Variants in TBC1D12 observed in about 807,000 individuals in gnomAD.
TBC1D12 encodes TBC1 domain family, member 12.
A neutral mutation model predicts 86.7 loss-of-function variants in TBC1D12; 56 were observed. The ratio of observed to expected loss-of-function variants is 0.65; its 90% CI spans 0.52 to 0.81. The LOEUF is 0.81. TBC1D12 is among the 30% of genes least tolerant of loss of function. TBC1D12 has a pLI of 0.00. For synonymous variants in TBC1D12, 421 were observed against 411.7 expected (o/e 1.02, Z -0.27); for missense variants, 1,023 against 1,038.8 (o/e 0.98, Z 0.21).
intron 2 of TBC1D12, among the ~76,000 whole-genome samples, chr10:94,468,918 G>A (rs905455374): frequency 6.6e-6 from 1 of 152,260 alleles, no homozygotes; most frequent in East Asian, 1.9e-4. Context: ...CAGTGCTACA[G>A]TTGTTAATAT....
chr10:94,414,554 A>G (rs1334164185), intron 1 of TBC1D12, among the ~76,000 whole-genome samples: 1 of 151,182 alleles, frequency 6.6e-6, no homozygotes, highest in East Asian at 1.9e-4. Context: ...TAACTTCCCT[A>G]ACGTCCCTGT....
rs571735942 is a variant in TBC1D12, at chr10:94,403,706, C to T, written c.971+122C>T. 7.8e-5 allele frequency: 95 copies of T among 1,219,526 alleles called. No individual in the cohort carries two copies. The East Asian group carries it at 2.9e-3, about 37-fold the overall frequency. The allele number at this position is 1,219,526 out of a possible 1,614,324, so 75.5% of individuals were successfully genotyped here. A position where few individuals can be genotyped will look rare whatever the true frequency, so the allele number is the denominator to read the frequency against. ...GAGAGCTTGGTCGGCCGCTTCCGTG[C>T]CAGCCCCACACGCGTCAGGACTTAG... On this transcript the variant is annotated intron_variant, in intron 1 of 12. Transcript: ENST00000225235.
intron 1 of TBC1D12, among the ~76,000 whole-genome samples, chr10:94,417,420 A>G (rs2134057380): frequency 6.6e-6 from 1 of 152,312 alleles, no homozygotes; most frequent in South Asian, 2.1e-4. Context: ...TTGTTTTTGA[A>G]GGAATTGAGA....
intron 2 of TBC1D12, among the ~76,000 whole-genome samples, chr10:94,469,162 G>A (rs944579045): frequency 3.3e-5 from 5 of 152,232 alleles, no homozygotes; most frequent in Non-Finnish European, 5.9e-5. Context: ...GCCCTCAGCC[G>A]TCTAAAATTC....
chr10:94,494,936 A>T (rs934325806), intron 4 of TBC1D12, among the ~76,000 whole-genome samples: 1 of 151,814 alleles, frequency 6.6e-6, no homozygotes, highest in Non-Finnish European at 1.5e-5. Flanking sequence ...ATTATAGCTC[A>T]CTGCAGCCTC....
rs1228121054 is a variant in TBC1D12 at position 94,442,037 on chromosome 10, C to A, written c.1095+18C>A. The stretch of plus-strand genomic sequence containing the variant: ...TTCAGCAGGTAAGTACTGACATAGC[C>A]ATGTAGTTTACCCTAGCTTTTCAAG... On this transcript the variant is annotated intron_variant, in intron 2 of 12. Transcript: ENST00000225235. 1 of 1,592,530 alleles carries A rather than the reference C, an allele frequency of 6.3e-7. No homozygotes were observed. The highest frequency in any genetic ancestry group is 8.5e-7 in the Non-Finnish European group (1 of 1,172,882).
chr10:94,493,123 A>C (rs937188986), intron 3 of TBC1D12, among the ~76,000 whole-genome samples: 5 of 148,630 alleles, frequency 3.4e-5, no homozygotes, highest in African/African-American at 1.2e-4. Flanking sequence ...TTAAATATAT[A>C]CCAACTTATA....
intron 5 of TBC1D12, among the ~76,000 whole-genome samples, chr10:94,497,945 C>G (rs950822552): frequency 2.6e-5 from 4 of 151,770 alleles, no homozygotes; most frequent in Non-Finnish European, 5.9e-5. Context: ...ACCTCAGCCT[C>G]CCGAGTAGCT....
chr10:94,514,627 T>A (rs2056566700), intron 9 of TBC1D12, among the ~76,000 whole-genome samples: 1 of 152,216 alleles, frequency 6.6e-6, no homozygotes, highest in South Asian at 2.1e-4. Context: ...AACAGTATTC[T>A]TTTGTATACA....
rs537440683 is a variant in TBC1D12, at chr10:94,409,019, C to G, written c.971+5435C>G. 3.3e-5 allele frequency among the ~76,000 whole-genome samples: 5 copies of G among 152,258 alleles called. No homozygotes were observed. In the South Asian group the frequency reaches 8.3e-4, roughly 25 times the overall value. ...ATTGCTCTAGAATAAACACAAAAGT[C>G]TATTAGGATTTTAGAATGTTGTGAA... On this transcript the variant is annotated intron_variant, in intron 1 of 12. Transcript: ENST00000225235.
intron 1 of TBC1D12, among the ~76,000 whole-genome samples, chr10:94,427,297 C>A (rs1449973963): frequency 2.0e-5 from 3 of 152,082 alleles, no homozygotes; most frequent in Non-Finnish European, 1.5e-5. Context: ...TCCTTATTAC[C>A]GCTTGTGTGC....
At chr10:94,476,298 A>T (rs757618476) in intron 3 of TBC1D12, among the ~76,000 whole-genome samples, 2 of 152,202 alleles carry the variant, frequency 1.3e-5, no homozygotes, top group Non-Finnish European at 2.9e-5. Context: ...TATTAAGTAC[A>T]TTATTCTTTT....
At chr10:94,448,131 A>T (rs372308757) in intron 2 of TBC1D12, among the ~76,000 whole-genome samples, 132 of 152,278 alleles carry the variant, frequency 8.7e-4, no homozygotes, top group African/African-American at 3.1e-3. Flanking sequence ...TTTCTTAATC[A>T]GAGAGTTTCA....
intron 3 of TBC1D12, among the ~76,000 whole-genome samples, 192 bp downstream of exon 3, chr10:94,474,975 A>G (rs1412427512): frequency 6.6e-6 from 1 of 152,042 alleles, no homozygotes; most frequent in African/African-American, 2.4e-5. Flanking sequence ...TTGTTTAGAG[A>G]CAGGGTCTTG....
chr10:94,488,180 G>A (rs1468823694), intron 3 of TBC1D12, among the ~76,000 whole-genome samples: 1 of 151,872 alleles, frequency 6.6e-6, no homozygotes, highest in East Asian at 2.0e-4. Context: ...GAGGTCAGGA[G>A]TTCCAGGCTA....
chr10:94,511,342 C>T (rs1403067080), intron 8 of TBC1D12, among the ~76,000 whole-genome samples: 1 of 151,996 alleles, frequency 6.6e-6, no homozygotes, highest in Non-Finnish European at 1.5e-5. Flanking sequence ...AAATGACCTG[C>T]CCATCTCGAC....
chr10:94,506,868 G>A (rs572077039), intron 6 of TBC1D12, among the ~76,000 whole-genome samples: 63 of 152,202 alleles, frequency 4.1e-4, no homozygotes, highest in South Asian at 1.7e-3. Context: ...TTTTTCTCTG[G>A]TTTACAGGTA....
At chr10:94,489,277 A>G (rs1488179891) in intron 3 of TBC1D12, among the ~76,000 whole-genome samples, 4 of 152,170 alleles carry the variant, frequency 2.6e-5, no homozygotes, top group South Asian at 4.1e-4. Context: ...TTTGCTTTCC[A>G]TGTGCTAGGG....
At chr10:94,525,263 GAAGGTCGAATCATTGCTGTTC>G (rs1372170827) in intron 11 of TBC1D12, among the ~76,000 whole-genome samples, 1 of 152,108 alleles carries the variant, frequency 6.6e-6, no homozygotes, top group African/African-American at 2.4e-5. Context: ...ATGTCATAGT[GAAGGTCGAATCATTGCTGTTC>G]AAGTATTATA....
Sources: allele counts gnomAD v4.1 joint callset (sites outside exome capture counted in the v4.1 genomes callset), GRCh38; gene constraint gnomAD v4.1.1; transcripts MANE v1.5; gene names NCBI Gene and HGNC (gene_info 2026-07-23, HGNC 2026-07-21).